The following KCP variants were observed in gnomAD, a reference collection of about 807,000 sequenced individuals.
KCP encodes kielin/chordin-like protein.
A neutral mutation model predicts 212.7 loss-of-function variants in KCP; 194 were observed. The observed-to-expected ratio is 0.91, with a 90% CI of 0.81 to 1.03. The LOEUF (loss-of-function observed/expected upper bound fraction) is 1.03. Ranked by LOEUF, KCP falls within the 50% of genes least tolerant of loss-of-function variation. KCP has a pLI of 0.00. For missense variants in KCP, 2,080 were observed against 2,162.5 expected (o/e 0.96, Z 0.76); for synonymous variants, 833 against 865.3 (o/e 0.96, Z 0.65).
intron 21 of KCP, 31 bp downstream of exon 21, chr7:128,890,312 C>T: frequency 6.4e-7 from 1 of 1,551,540 alleles, no homozygotes; most frequent in Non-Finnish European, 8.7e-7. Context: ...CCGCATCCCA[C>T]CCCGGCAGCT....
intron 15 of KCP, 21 bp from the exon 16 acceptor site, chr7:128,892,628 G>A (rs141937279): frequency 9.0e-6 from 14 of 1,551,036 alleles, no homozygotes; most frequent in Non-Finnish European, 1.2e-5. Flanking sequence ...GCAGGGGAGA[G>A]AGCAATCGGG....
intron 38 of KCP, 41 bp from the exon 39 acceptor site, chr7:128,877,831 C>T (rs1163515694): frequency 6.6e-7 from 1 of 1,504,674 alleles, no homozygotes; most frequent in Admixed American, 2.0e-5. Context: ...GCACCACTGG[C>T]AGCTGGCCTC....
In KCP at chr7:128,886,898, G is replaced by A; in HGVS notation, c.2667C>T (p.Pro889=). The A allele has an allele frequency of 6.5e-7, 1 of 1,532,006 alleles. No homozygotes were observed. 94.9% of individuals were successfully genotyped at this position (1,532,006 alleles called of 1,614,324 possible). A position where few individuals can be genotyped will look rare whatever the true frequency, so the allele number is the denominator to read the frequency against. ...CACTGTGGCAAACAGGGCAGAAGCA[G>A]GGGCCTGGAGAGGGGTGGGGGCAGA... ...PALCPHPSPG[P]CFCPVCHSCL... Residue 889 remains proline (P), a synonymous_variant, in exon 24 of 40, where the codon CCC becomes CCT. Transcript: ENST00000610776.
intron 8 of KCP, among the ~76,000 whole-genome samples, chr7:128,896,889 CAAAAAAAAA>C (rs35522047): frequency 8.6e-5 from 5 of 58,084 alleles, no homozygotes; most frequent in African/African-American, 2.7e-4. Flanking sequence ...GACTCCATCT[CAAAAAAAAA>C]AAAAAAAAAA....
Position 128,881,926 on chromosome 7 carries a change from G to A in KCP, c.3324+11C>T. On this transcript the variant is annotated intron_variant, in intron 30 of 39. Transcript: ENST00000610776. ...AGGGGCTCTGTGAGTCCCCAAGGCAGGAGGGCTCACCTGGCACTGGCACGT... is the reference window on the plus strand; with the variant it reads ...AGGGGCTCTGTGAGTCCCCAAGGCAAGAGGGCTCACCTGGCACTGGCACGT... 1 of 1,550,774 alleles carries A rather than the reference G, an allele frequency of 6.4e-7. No homozygotes were observed. Among genetic ancestry groups the A allele is most frequent in the Non-Finnish European group, 8.7e-7 (1 of 1,146,528 alleles).
intron 2 of KCP, among the ~76,000 whole-genome samples, 165 bp from the exon 3 acceptor site, chr7:128,907,618 CAG>C (rs1491335372): frequency 6.6e-6 from 1 of 152,162 alleles, no homozygotes; most frequent in Non-Finnish European, 1.5e-5. Flanking sequence ...TCACCATTCT[CAG>C]GGGGGCACGG....
intron 20 of KCP, 82 bp from the exon 21 acceptor site, chr7:128,890,595 G>GGAT: frequency 8.2e-7 from 1 of 1,226,720 alleles, no homozygotes. Context: ...GAGGGGCGTG[G>GGAT]AGGACGGGTG....
intron 16 of KCP, among the ~76,000 whole-genome samples, 190 bp from the exon 17 acceptor site, chr7:128,892,009 G>A (rs561980984): frequency 5.3e-5 from 8 of 152,214 alleles, no homozygotes; most frequent in African/African-American, 1.7e-4. Flanking sequence ...GTGCGCATTG[G>A]GGGTCATTCA....
In KCP at chr7:128,878,686, C is replaced by G. The variant is rs376572065; in HGVS notation, c.4183G>C (p.Val1395Leu). 22 of 1,550,628 alleles carry G rather than the reference C, an allele frequency of 1.4e-5. No individual in the cohort carries two copies. The highest frequency in any genetic ancestry group is 2.0e-5 in the Admixed American group (1 of 50,984). Residue 1395 changes from valine to leucine, a missense_variant, in exon 38 of 40, where the codon GTA (valine) becomes CTA (leucine). Physicochemically the swap from Val to Leu is conservative, Grantham distance 32 (BLOSUM62 1). Coordinates refer to ENST00000610776, the MANE Select transcript of KCP (RefSeq NM_001366122.1). ...WDGQSQVEVS[V>L]PGSYQGRTCG... ...GTCCGGCCCTGGTAGGAGCCAGGTA[C>G]GCTCACCTCCACCTGGGACTGCCCA... is the stretch of plus-strand genomic sequence containing the variant.
chr7:128,907,091 G>T lies in KCP; in HGVS notation c.486+10C>A. ...GGTGAGGGATATCCAGGTAGGTCCT[G>T]GGAGCTTACCAGACAGCGGCAGGTG... On this transcript the variant is annotated intron_variant, in intron 4 of 39. Transcript: ENST00000610776. 6.4e-7 allele frequency: 1 copy of T among 1,550,656 alleles called. No homozygotes were observed. Among genetic ancestry groups the T allele is most frequent in the South Asian group, 1.2e-5 (1 of 83,926 alleles).
chr7:128,879,518 G>C lies in KCP; in HGVS notation c.4146+4C>G, dbSNP rs1225423959. ...GCCCACCCAGACTCGCCCTGGAGCC[G>C]CACCTGGAGCCCGGGCTGGGCGTGC... On this transcript the variant is annotated splice_donor_region_variant and intron_variant, in intron 37 of 39. Coordinates refer to ENST00000610776, the MANE Select transcript of KCP (RefSeq NM_001366122.1). 1 of 1,547,776 alleles carries C rather than the reference G, an allele frequency of 6.5e-7. No homozygotes were observed. The highest frequency in any genetic ancestry group is 1.2e-5 in the South Asian group (1 of 83,904).
In KCP at chr7:128,881,991, G is replaced by A; in HGVS notation, c.3270C>T (p.Gly1090=). 4 of 1,551,238 alleles carry A rather than the reference G, an allele frequency of 2.6e-6. No homozygotes were observed. Among genetic ancestry groups the A allele is most frequent in the Non-Finnish European group, 3.5e-6 (4 of 1,146,946 alleles). Residue 1090 remains glycine (G), a synonymous_variant, in exon 30 of 40, where the codon GGC becomes GGT. Transcript: ENST00000610776. ...GTGGGGCTAGCTCAGATCCCAGCAGGCCCTCTGAACAGTTACTCAAGGCCT... is the reference window on the plus strand; with the variant it reads ...GTGGGGCTAGCTCAGATCCCAGCAGACCCTCTGAACAGTTACTCAAGGCCT... ...CAEALSNCSE[G]LLGSELAPPD... is the part of the protein sequence containing the mutation.
intron 17 of KCP, 26 bp from the exon 18 acceptor site, chr7:128,891,559 G>A (rs1247620634): frequency 1.3e-6 from 2 of 1,542,500 alleles, no homozygotes. Context: ...GCTATAGCCT[G>A]GGAGAGGGCG....
chr7:128,884,911 G>A, intron 27 of KCP, 48 bp from the exon 28 acceptor site: 6 of 1,530,396 alleles, frequency 3.9e-6, no homozygotes, highest in Non-Finnish European at 3.5e-6. Flanking sequence ...CCTTCAGGCT[G>A]GCAGCGAGGC....
chr7:128,904,146 G>A lies in KCP; in HGVS notation c.572-8C>T, dbSNP rs939780604. ...GCCCCTCATAATCACAGCCTGGGAA[G>A]GTTGGCAGGATGACAAGTGGGTCAC... On this transcript the variant is annotated splice_polypyrimidine_tract_variant and splice_region_variant and intron_variant, in intron 5 of 39. Transcript: ENST00000610776. 3.9e-6 allele frequency: 6 copies of A among 1,551,482 alleles called. No individual in the cohort carries two copies. The highest frequency in any genetic ancestry group is 3.9e-5 in the Admixed American group (2 of 50,978).
chr7:128,877,195 G>A lies in KCP; in HGVS notation c.4735C>T (p.Pro1579Ser). The change falls in exon 40 of 40, where the codon CCC (proline) becomes TCC (serine). Residue 1579 changes from proline (P) to serine (S), a missense_variant. Physicochemically the swap from Pro to Ser is moderately conservative, Grantham distance 74. Transcript: ENST00000610776. ...GGGCACTGGCAGCCGGGCACGCAGGGCCTCACGCAGTGGGCTGCCAGCTCC... is the reference window on the plus strand; with the variant it reads ...GGGCACTGGCAGCCGGGCACGCAGGACCTCACGCAGTGGGCTGCCAGCTCC... ...LGELAAHCVR[P>S]CVPGCQCPAG... 6.7e-7 allele frequency: 1 copy of A among 1,484,350 alleles called. No homozygotes were observed. The highest frequency in any genetic ancestry group is 8.9e-7 in the Non-Finnish European group (1 of 1,118,038). 91.9% of individuals were successfully genotyped at this position (1,484,350 alleles called of 1,614,324 possible).
Position 128,888,875 on chromosome 7 carries a change from G to C in KCP, c.2500C>G (p.Pro834Ala), listed in dbSNP as rs748275635. 8.1e-5 allele frequency: 126 copies of C among 1,549,502 alleles called. No homozygotes were observed. The African/African-American group carries it at 1.7e-3, about 21-fold the overall frequency. Residue 834 changes from proline (P) to alanine (A), a missense_variant, in exon 22 of 40, where the codon CCG (proline) becomes GCG (alanine). Transcript: ENST00000610776. ...HPLIPSGHCCPTCQGCRYHGV... is the reference protein window; with the variant it reads ...HPLIPSGHCCATCQGCRYHGV... ...GGTGTGGCTCTACCCTGGCAGGTCG[G>C]GCAGCAGTGCCCAGAGGGGATGAGT... is the stretch of plus-strand genomic sequence containing the variant.
chr7:128,889,919 G>GTTT (rs1793978236), intron 21 of KCP: 1 of 144,320 alleles, frequency 6.9e-6, no homozygotes, highest in African/African-American at 3.4e-5. Context: ...TTAGTGTCAG[G>GTTT]CTTTTTTTTT....
Position 128,892,583 on chromosome 7 carries a change from C to G in KCP, c.1552G>C (p.Val518Leu), listed in dbSNP as rs1794226215. The change falls in exon 16 of 40, where the codon GTT (valine) becomes CTT (leucine). Residue 518 changes from valine (V) to leucine (L), a missense_variant. By Grantham distance (32) the Val-to-Leu change is conservative. Transcript: ENST00000610776. ...CQDGTVTCSL[V>L]DCPPTTCARP... is the part of the protein sequence containing the mutation. ...GCACAGGTCGTGGGAGGGCAGTCAA[C>G]CAAGGAGCATGTCACAGTTCCATCC... is the stretch of plus-strand genomic sequence containing the variant. The G allele has an allele frequency of 6.4e-7, 1 of 1,550,698 alleles. No individual in the cohort carries two copies. The highest frequency in any genetic ancestry group is 8.7e-7 in the Non-Finnish European group (1 of 1,146,368).
Sources: gnomAD v4.1 joint callset for allele counts (sites outside exome capture counted in the v4.1 genomes callset) on GRCh38, gnomAD v4.1.1 for gene constraint, MANE v1.5 for transcripts, NCBI Gene and HGNC (gene_info 2026-07-23, HGNC 2026-07-21) for gene names.